Variants in ESR1 observed in about 807,000 individuals in gnomAD.
The protein encoded by ESR1 is estrogen receptor.
In ESR1, 12 loss-of-function variants were observed where a neutral mutation model predicts 52.7. The observed-to-expected ratio is 0.23, with a 90% CI of 0.15 to 0.37. ESR1 has a LOEUF of 0.37. Among genes scored for constraint, ESR1 ranks in the 10% least tolerant of loss-of-function variants. The probability of loss-of-function intolerance (pLI) is 1.00; values close to 1 mark genes in which losing one functional copy is unlikely to be tolerated. For synonymous variants in ESR1, 305 were observed against 316.8 expected (o/e 0.96, Z 0.39); for missense variants, 584 against 779.7 (o/e 0.75, Z 2.99).
At chr6:151,992,735 C>T (rs2041140667) in intron 4 of ESR1, among the ~76,000 whole-genome samples, 1 of 152,064 alleles carries the variant, frequency 6.6e-6, no homozygotes, top group South Asian at 2.1e-4. Flanking sequence ...CCAGTGGGCA[C>T]CCTTATCTAT....
At chr6:151,769,211 C>T (rs1040278571) in intron 2 of ESR1, among the ~76,000 whole-genome samples, 1 of 152,248 alleles carries the variant, frequency 6.6e-6, no homozygotes, top group Admixed American at 6.5e-5. Flanking sequence ...CATCTCTCCA[C>T]GCTGGCTTCT....
intron 6 of ESR1, chr6:152,125,176 C>T (rs1372622626): frequency 6.9e-7 from 1 of 1,450,376 alleles, no homozygotes; most frequent in African/African-American, 1.4e-5. Flanking sequence ...TTCCAAAATC[C>T]CTGCCCACCG....
intron 1 of ESR1, among the ~76,000 whole-genome samples, chr6:151,669,098 C>T (rs78956404): frequency 0.012 from 1,612 of 135,422 alleles, 28 homozygotes; most frequent in African/African-American, 0.041. Context: ...TGGCCAGAGC[C>T]GTGCTTCGGG....
chr6:151,872,132 A>G (rs1246195747), intron 2 of ESR1, among the ~76,000 whole-genome samples: 3 of 152,176 alleles, frequency 2.0e-5, no homozygotes, highest in African/African-American at 7.2e-5. Context: ...ATTGCTTTCC[A>G]CTTGTTGGAA....
chr6:151,949,253 G>T (rs540124021), intron 4 of ESR1, among the ~76,000 whole-genome samples: 1 of 152,196 alleles, frequency 6.6e-6, no homozygotes. Flanking sequence ...TTCACTTAGC[G>T]AATGAAATTG....
At chr6:151,891,169 T>A (rs1794653247) in intron 3 of ESR1, among the ~76,000 whole-genome samples, 1 of 152,178 alleles carries the variant, frequency 6.6e-6, no homozygotes. Context: ...TTTATTTGAT[T>A]GCTTATTTAG....
intron 5 of ESR1, among the ~76,000 whole-genome samples, chr6:152,018,609 G>A (rs982068324): frequency 2.6e-5 from 4 of 151,896 alleles, no homozygotes; most frequent in Admixed American, 1.3e-4. Context: ...GAAGGAGCAG[G>A]TTTTGGGGGT....
exon 2 of ESR1, chr6:151,701,933 G>C (rs777826651): frequency 6.6e-6 from 1 of 152,120 alleles, no homozygotes; most frequent in East Asian, 1.9e-4. Flanking sequence ...CCGGGACTGC[G>C]GTACCAAATA....
intron 2 of ESR1, among the ~76,000 whole-genome samples, chr6:151,720,756 A>G (rs1781396864): frequency 6.6e-6 from 1 of 152,216 alleles, no homozygotes; most frequent in Non-Finnish European, 1.5e-5. Context: ...TTTTTGGAAT[A>G]AAACACCAAT....
At chr6:151,836,687 A>G (rs767462075) in intron 1 of ESR1, among the ~76,000 whole-genome samples, 5 of 152,184 alleles carry the variant, frequency 3.3e-5, no homozygotes, top group African/African-American at 4.8e-5. Flanking sequence ...TCACCCAAAT[A>G]TAGGATTGGA....
intron 2 of ESR1, among the ~76,000 whole-genome samples, chr6:151,774,100 A>G (rs1308859479): frequency 1.3e-5 from 2 of 152,170 alleles, no homozygotes; most frequent in African/African-American, 2.4e-5. Flanking sequence ...GTCATTAGGG[A>G]GTTAGAGAGG....
At chr6:151,789,603 T>C (rs1480771457) in intron 2 of ESR1, among the ~76,000 whole-genome samples, 2 of 152,192 alleles carry the variant, frequency 1.3e-5, no homozygotes, top group African/African-American at 4.8e-5. Context: ...AAATAGAGTA[T>C]TCACTGTGCT....
intron 6 of ESR1, among the ~76,000 whole-genome samples, chr6:152,110,782 GA>G (rs1176359767): frequency 6.6e-6 from 1 of 152,088 alleles, no homozygotes; most frequent in Non-Finnish European, 1.5e-5. Context: ...TTTCATCAAA[GA>G]AATATGACAC....
chr6:151,854,269 T>C (rs1333348838), intron 2 of ESR1, among the ~76,000 whole-genome samples: 2 of 152,310 alleles, frequency 1.3e-5, no homozygotes, highest in Non-Finnish European at 2.9e-5. Context: ...AGTCTAACAT[T>C]TACTTTGTAA....
At chr6:152,084,543 C>T (rs2049531596) in intron 6 of ESR1, among the ~76,000 whole-genome samples, 1 of 152,070 alleles carries the variant, frequency 6.6e-6, no homozygotes. Flanking sequence ...TTCCCAGTCT[C>T]GAGTATGTCT....
At chr6:152,110,458 T>C (rs970405682) in intron 6 of ESR1, among the ~76,000 whole-genome samples, 8 of 151,728 alleles carry the variant, frequency 5.3e-5, no homozygotes, top group Non-Finnish European at 1.2e-4. Flanking sequence ...TTCTCACTTA[T>C]AAGTGGGAGC....
At chr6:152,109,031 ACTT>A (rs1377138649) in intron 6 of ESR1, among the ~76,000 whole-genome samples, 56 of 152,292 alleles carry the variant, frequency 3.7e-4, no homozygotes, top group African/African-American at 1.2e-3. Flanking sequence ...GGAAGCAAGG[ACTT>A]CTTACTTTGC....
downstream of ESR1, among the ~76,000 whole-genome samples, chr6:152,105,575 G>A (rs1336230571): frequency 1.3e-4 from 20 of 151,234 alleles, 1 homozygote; most frequent in South Asian, 1.0e-3. Context: ...ACAGGCGAGC[G>A]CCACCACACC....
chr6:151,967,633 C>T (rs1018053997), intron 4 of ESR1, among the ~76,000 whole-genome samples: 1 of 152,102 alleles, frequency 6.6e-6, no homozygotes, highest in African/African-American at 2.4e-5. Context: ...TGAATAGTGC[C>T]ACAATAAACA....
Sources: allele counts gnomAD v4.1 joint callset (sites outside exome capture counted in the v4.1 genomes callset), GRCh38; gene constraint gnomAD v4.1.1; transcripts MANE v1.5; gene names NCBI Gene and HGNC (gene_info 2026-07-23, HGNC 2026-07-21).